Variants in SLC25A13 observed in about 807,000 individuals in gnomAD.
SLC25A13 encodes solute carrier family 25 member 13.
A neutral mutation model predicts 85.5 loss-of-function variants in SLC25A13; 70 were observed. The observed-to-expected ratio is 0.82, with a 90% CI of 0.68 to 1.00. The LOEUF is 1.00. Among genes scored for constraint, SLC25A13 ranks in the 50% least tolerant of loss-of-function variants. The pLI is 0.00. For synonymous variants in SLC25A13, 259 were observed against 288.7 expected (o/e 0.90, Z 1.04); for missense variants, 765 against 819.8 (o/e 0.93, Z 0.82).
intron 3 of SLC25A13, among the ~76,000 whole-genome samples, chr7:96,263,026 GA>G (rs5885951): frequency 0.37 from 49,444 of 132,886 alleles, 8,730 homozygotes; most frequent in East Asian, 0.54. Context: ...AACCATCTAG[GA>G]AAAAAAAAAA....
chr7:96,273,401 C>T (rs1798321727), intron 3 of SLC25A13, among the ~76,000 whole-genome samples: 1 of 152,160 alleles, frequency 6.6e-6, no homozygotes, highest in Non-Finnish European at 1.5e-5. Context: ...TGCAAATATA[C>T]TTGAAAGTTC....
At chr7:96,291,370 T>G (rs1374236424) in intron 2 of SLC25A13, among the ~76,000 whole-genome samples, 1 of 152,000 alleles carries the variant, frequency 6.6e-6, no homozygotes, top group Non-Finnish European at 1.5e-5. Context: ...TTAAAAGAAC[T>G]AGAGAAGCAA....
At chr7:96,197,781 A>G (rs1358763528) in intron 5 of SLC25A13, among the ~76,000 whole-genome samples, 1 of 152,240 alleles carries the variant, frequency 6.6e-6, no homozygotes, top group Non-Finnish European at 1.5e-5. Flanking sequence ...GAAGTAAACG[A>G]GTCATCTGTG....
intron 5 of SLC25A13, among the ~76,000 whole-genome samples, chr7:96,197,374 C>G (rs560190154): frequency 6.6e-6 from 1 of 152,074 alleles, no homozygotes; most frequent in Non-Finnish European, 1.5e-5. Context: ...TAGCAGAGAC[C>G]AAGGAGGAGA....
chr7:96,314,344 TAGG>T (rs1307478686), intron 1 of SLC25A13, among the ~76,000 whole-genome samples: 1 of 152,164 alleles, frequency 6.6e-6, no homozygotes, highest in Non-Finnish European at 1.5e-5. Flanking sequence ...TGGTGACTTT[TAGG>T]AGAAGGACAT....
chr7:96,215,330 C>T (rs1270374883), intron 4 of SLC25A13, among the ~76,000 whole-genome samples: 2 of 152,014 alleles, frequency 1.3e-5, no homozygotes, highest in African/African-American at 4.8e-5. Flanking sequence ...CTCCTGACCT[C>T]GTGATCCACC....
At chr7:96,228,336 A>T (rs1295680373) in intron 4 of SLC25A13, among the ~76,000 whole-genome samples, 1 of 152,256 alleles carries the variant, frequency 6.6e-6, no homozygotes, top group Non-Finnish European at 1.5e-5. Flanking sequence ...GTATCCAGAA[A>T]ATACGCACAT....
At chr7:96,154,355 G>C (rs982507759) in intron 13 of SLC25A13, among the ~76,000 whole-genome samples, 3 of 148,078 alleles carry the variant, frequency 2.0e-5, no homozygotes, top group Admixed American at 1.4e-4. Context: ...GGAGTGTAGT[G>C]ACATGATCTT....
chr7:96,124,827 T>G (rs1379537058), intron 15 of SLC25A13, among the ~76,000 whole-genome samples: 2 of 152,154 alleles, frequency 1.3e-5, no homozygotes, highest in African/African-American at 4.8e-5. Context: ...CCCCACCACT[T>G]CCCTGACTAA....
Position 96,208,889 on chromosome 7 carries a change from T to C in SLC25A13, c.417A>G (p.Gly139=), listed in dbSNP as rs1795571748. Residue 139 remains glycine, a synonymous_variant, in exon 5 of 18, where the codon GGA becomes GGG. Transcript: ENST00000265631. ...WDSEFVQLHF[G]KERKRHLTYA... is the part of the protein sequence containing the mutation. ...ATGTCAGGTGTCTTTTTCTTTCTTT[T>C]CCAAAATGTAGTTGCACAAATTCTG... 1 of 1,614,134 alleles carries C rather than the reference T, an allele frequency of 6.2e-7. No homozygotes were observed. The highest frequency in any genetic ancestry group is 1.7e-5 in the Admixed American group (1 of 60,010).
chr7:96,226,958 G>A (rs1289137125), intron 4 of SLC25A13, among the ~76,000 whole-genome samples: 1 of 151,988 alleles, frequency 6.6e-6, no homozygotes, highest in African/African-American at 2.4e-5. Context: ...AAATTTGACA[G>A]TATTGGTAAC....
intron 13 of SLC25A13, among the ~76,000 whole-genome samples, chr7:96,157,566 G>A (rs377595877): frequency 1.3e-5 from 2 of 152,184 alleles, no homozygotes; most frequent in Non-Finnish European, 2.9e-5. Flanking sequence ...CACTTTGGGA[G>A]GCTGAGGCAA....
In SLC25A13 at chr7:96,306,822, T is replaced by A. The variant is rs59351508; in HGVS notation, c.16-9871A>T. ...TCTCTACCCCCAGGGACTCAGGAGA[T>A]CATGCAGCAGAAGCAGAAAAAGGCA... On this transcript the variant is annotated intron_variant, in intron 1 of 17. Coordinates refer to ENST00000265631, the MANE Select transcript of SLC25A13 (RefSeq NM_014251.3). 5.0e-5 allele frequency: 70 copies of A among 1,401,626 alleles called. No individual in the cohort carries two copies. In the African/African-American group the frequency reaches 9.5e-4, roughly 19 times the overall value. The allele number at this position is 1,401,626 out of a possible 1,614,324, so 86.8% of individuals were successfully genotyped here.
At chr7:96,209,353 TACACACAC>T (rs59571646) in intron 4 of SLC25A13, among the ~76,000 whole-genome samples, 4 of 145,444 alleles carry the variant, frequency 2.8e-5, no homozygotes, top group Admixed American at 1.4e-4. Flanking sequence ...GGAAAACACA[TACACACAC>T]ACACACACAC....
At chr7:96,270,202 A>G (rs570184451) in intron 3 of SLC25A13, among the ~76,000 whole-genome samples, 14 of 152,272 alleles carry the variant, frequency 9.2e-5, no homozygotes, top group Non-Finnish European at 1.9e-4. Flanking sequence ...CAATGTATAC[A>G]TATTTCAAAA....
At chr7:96,303,080 A>C (rs1304426561) in intron 1 of SLC25A13, among the ~76,000 whole-genome samples, 1 of 152,146 alleles carries the variant, frequency 6.6e-6, no homozygotes, top group East Asian at 1.9e-4. Flanking sequence ...ATATCTTTAG[A>C]GCTCCCTCAA....
At chr7:96,151,886 A>G (rs1793065114) in intron 13 of SLC25A13, among the ~76,000 whole-genome samples, 1 of 152,190 alleles carries the variant, frequency 6.6e-6, no homozygotes, top group Admixed American at 6.5e-5. Context: ...CGGAGGTTGC[A>G]GTGAGCCAAG....
intron 1 of SLC25A13, among the ~76,000 whole-genome samples, chr7:96,319,823 T>C (rs1308829711): frequency 6.6e-6 from 1 of 152,072 alleles, no homozygotes; most frequent in Non-Finnish European, 1.5e-5. Context: ...AAGAGGTGAG[T>C]GCAAATGAAG....
chr7:96,171,573 TAAACA>T (rs1284320842), intron 11 of SLC25A13, 49 bp from the exon 12 acceptor site: 2 of 1,509,928 alleles, frequency 1.3e-6, no homozygotes, highest in Non-Finnish European at 1.8e-6. Context: ...TAGCATTAAC[TAAACA>T]AATCAACAGT....
Sources: gnomAD v4.1 joint callset for allele counts (sites outside exome capture counted in the v4.1 genomes callset) on GRCh38, gnomAD v4.1.1 for gene constraint, MANE v1.5 for transcripts, NCBI Gene and HGNC (gene_info 2026-07-23, HGNC 2026-07-21) for gene names.